The following FHAD1 variants were observed in gnomAD, a reference collection of about 807,000 sequenced individuals.
The protein encoded by FHAD1 is forkhead associated phosphopeptide binding domain 1.
FHAD1 carries 146 observed loss-of-function variants against 191.3 expected under a neutral mutation model. The observed-to-expected ratio is 0.76, with a 90% CI of 0.67 to 0.88. FHAD1 has a LOEUF of 0.88. FHAD1 is among the 40% of genes least tolerant of loss of function. The pLI is 0.00. For missense variants in FHAD1, 1,635 were observed against 1,785.8 expected, an observed-to-expected ratio of 0.92 and a Z score of 1.52; for synonymous variants, 616 against 672.3, an observed-to-expected ratio of 0.92 and a Z score of 1.29.
chr1:15,261,177 T>G (rs1243436901), intron 2 of FHAD1, among the ~76,000 whole-genome samples: 4 of 152,180 alleles, frequency 2.6e-5, no homozygotes, highest in African/African-American at 9.7e-5. Context: ...ATTAACTCGG[T>G]TAATCCTTTC....
intron 20 of FHAD1, among the ~76,000 whole-genome samples, chr1:15,355,805 A>G (rs1692544561): frequency 6.6e-6 from 1 of 152,204 alleles, no homozygotes; most frequent in South Asian, 2.1e-4. Flanking sequence ...GGAGGTACAC[A>G]GAGGATGCAG....
chr1:15,292,163 T>C (rs574269086), intron 4 of FHAD1, among the ~76,000 whole-genome samples: 2 of 152,268 alleles, frequency 1.3e-5, no homozygotes, highest in African/African-American at 4.8e-5. Context: ...TTTCTTTCTT[T>C]TAGAAACTGA....
At position 15,397,381 on chromosome 1, in the gene FHAD1, C is replaced by A. The variant is rs1279428499; in HGVS notation, c.4408C>A (p.Leu1470Ile). 2 of 1,542,684 alleles carry A rather than the reference C, an allele frequency of 1.3e-6. No individual in the cohort carries two copies. The highest frequency in any genetic ancestry group is 1.8e-6 in the Non-Finnish European group (2 of 1,141,002). ...GACCTCCAGCAAGTCCAGCCAGAGC[C>A]TTTTGCATTCTAAGCCCAGTGGAAA... Reference protein sequence around the residue: ...KETSSKSSQSLLHSKPSGKY With the variant: ...KETSSKSSQSILHSKPSGKY Residue 1470 changes from leucine (L) to isoleucine (I), a missense_variant, in exon 34 of 34, where the codon CTT becomes ATT. Transcript: ENST00000688493.
chr1:15,308,414 T>C (rs1201442221), intron 6 of FHAD1, among the ~76,000 whole-genome samples, 199 bp from the exon 7 acceptor site: 1 of 152,214 alleles, frequency 6.6e-6, no homozygotes, highest in Non-Finnish European at 1.5e-5. Context: ...GGTTCATGTT[T>C]TGATGACATA....
chr1:15,343,817 C>G (rs1347176405), intron 16 of FHAD1: 1 of 152,246 alleles, frequency 6.6e-6, no homozygotes, highest in East Asian at 1.9e-4. Context: ...CCACCGACTT[C>G]CTTTTTTCTT....
Position 15,328,399 on chromosome 1 carries a change from G to A in FHAD1, c.1680G>A (p.Glu560=). The A allele has an allele frequency of 6.5e-7, 1 of 1,544,046 alleles. No homozygotes were observed. Among genetic ancestry groups the A allele is most frequent in the East Asian group, 2.5e-5 (1 of 40,648 alleles). The change falls in exon 13 of 34, where the codon GAG becomes GAA. Residue 560 remains glutamate (E), a synonymous_variant. Coordinates refer to ENST00000688493, the MANE Select transcript of FHAD1 (RefSeq NM_001391957.1). ...AGGAGGAGACCACCGAGAACATCGA[G>A]AAGCTGAGGACGTCGCTGGACAGCT... ...SKQEETTENI[E]KLRTSLDSCQ...
At chr1:15,248,840 G>C (rs1253429643) in intron 1 of FHAD1, among the ~76,000 whole-genome samples, 1 of 152,046 alleles carries the variant, frequency 6.6e-6, no homozygotes, top group African/African-American at 2.4e-5. Context: ...CGTCCACCTG[G>C]GCCTCCCAAA....
intron 14 of FHAD1, among the ~76,000 whole-genome samples, chr1:15,336,829 G>C (rs1462979080): frequency 6.6e-6 from 1 of 152,168 alleles, no homozygotes; most frequent in East Asian, 1.9e-4. Context: ...CCTGCCCAAC[G>C]CTCTTCATTC....
At chr1:15,256,214 A>G (rs965529972) in intron 2 of FHAD1, among the ~76,000 whole-genome samples, 9 of 152,226 alleles carry the variant, frequency 5.9e-5, no homozygotes, top group African/African-American at 2.2e-4. Context: ...TCACAAGCCA[A>G]TGGTTGCTGG....
intron 2 of FHAD1, among the ~76,000 whole-genome samples, chr1:15,262,993 T>C (rs1651784227): frequency 3.9e-5 from 6 of 152,230 alleles, no homozygotes; most frequent in Admixed American, 3.9e-4. Flanking sequence ...ATAGTAGCCA[T>C]CCTAAAGGGT....
In FHAD1 at chr1:15,381,536, C is replaced by T; in HGVS notation, c.4022+85C>T. ...CTCAGGCTAGCAGCAGACCTCTAGG[C>T]CTGGGACAGGAGGACAGAGACCCAC... On this transcript the variant is annotated intron_variant, in intron 30 of 33. Transcript: ENST00000688493. This position sits in a 1 kb window ranked among gnomAD's most constrained non-coding sequence, Gnocchi z 4.6. 1 of 1,077,950 alleles carries T rather than the reference C, an allele frequency of 9.3e-7. No individual in the cohort carries two copies. Among genetic ancestry groups the T allele is most frequent in the Non-Finnish European group, 1.4e-6 (1 of 731,778 alleles). The allele number at this position is 1,077,950 out of a possible 1,614,324, so 66.8% of individuals were successfully genotyped here. A position where few individuals can be genotyped will look rare whatever the true frequency, so the allele number is the denominator to read the frequency against.
chr1:15,241,975 C>G (rs907351177), intron 1 of FHAD1, among the ~76,000 whole-genome samples: 4 of 152,218 alleles, frequency 2.6e-5, no homozygotes, highest in African/African-American at 9.7e-5. Flanking sequence ...TGGCTCACGC[C>G]TCTAATCCCA....
At position 15,397,532 on chromosome 1, in the gene FHAD1, G is replaced by T; in HGVS notation, c.*119G>T. On this transcript the variant is annotated 3_prime_UTR_variant, in exon 34 of 34. Transcript: ENST00000688493. ...AGTCTTTAAAGATTGTTACCCTAGT[G>T]TTTCATTTCCTAGACCAGTATTTTG... is the stretch of plus-strand genomic sequence containing the variant. 2.0e-6 allele frequency: 1 copy of T among 492,114 alleles called. No homozygotes were observed. The highest frequency in any genetic ancestry group is 3.6e-6 in the Non-Finnish European group (1 of 274,434). 30.5% of individuals were successfully genotyped at this position (492,114 alleles called of 1,614,324 possible).
At chr1:15,279,159 A>T (rs1399766694) in intron 3 of FHAD1, among the ~76,000 whole-genome samples, 2 of 152,168 alleles carry the variant, frequency 1.3e-5, no homozygotes, top group Non-Finnish European at 2.9e-5. Flanking sequence ...TTGGTGCATG[A>T]TTATAGCCTG....
In FHAD1 at chr1:15,363,907, C is replaced by T. The variant is rs1371500220; in HGVS notation, c.3047+1181C>T. 4 of 399,426 alleles carry T rather than the reference C, an allele frequency of 1.0e-5. No individual in the cohort carries two copies. In the Admixed American group the frequency reaches 1.3e-4, roughly 13 times the overall value. The allele number at this position is 399,426 out of a possible 1,614,324, so 24.7% of individuals were successfully genotyped here. On this transcript the variant is annotated intron_variant, in intron 23 of 33. Coordinates refer to ENST00000688493, the MANE Select transcript of FHAD1 (RefSeq NM_001391957.1). ...AGGAGAACCACCTGCCTGACCCTTG[C>T]ACCAAATCCTAGTGACCGAAGTCTA...
At chr1:15,249,092 G>A (rs190392238) in intron 1 of FHAD1, among the ~76,000 whole-genome samples, 2 of 152,250 alleles carry the variant, frequency 1.3e-5, no homozygotes, top group East Asian at 3.9e-4. Context: ...GGGCTCTCTT[G>A]GAACGTATCT....
At chr1:15,380,344 C>T (rs941747172) in intron 28 of FHAD1, among the ~76,000 whole-genome samples, 3 of 152,146 alleles carry the variant, frequency 2.0e-5, no homozygotes, top group Admixed American at 6.5e-5. Context: ...AGTAGCACTC[C>T]CCGCCTGCAG....
rs886481767 is a variant in FHAD1 at position 15,328,287 on chromosome 1, A to G, written c.1568A>G (p.Lys523Arg). ...TCTTTTTCTCACCAGTTAATAGAGA[A>G]AATTACCCAGGTCACTGAGGACAAC... ...KPVTDQQLIE[K>R]ITQVTEDNIN... Residue 523 changes from lysine (K) to arginine (R), a missense_variant, in exon 13 of 34, where the codon AAA becomes AGA. Transcript: ENST00000688493. 19 of 1,500,782 alleles carry G rather than the reference A, an allele frequency of 1.3e-5. No homozygotes were observed. Among genetic ancestry groups the G allele is most frequent in the Middle Eastern group, 1.7e-4 (1 of 5,754 alleles). 93.0% of individuals were successfully genotyped at this position (1,500,782 alleles called of 1,614,324 possible).
intron 2 of FHAD1, among the ~76,000 whole-genome samples, chr1:15,271,208 G>A (rs1655829076): frequency 6.6e-6 from 1 of 151,152 alleles, no homozygotes. Context: ...AGCTACTCGG[G>A]AGGCTGAGGC....
Sources: allele counts gnomAD v4.1 joint callset (sites outside exome capture counted in the v4.1 genomes callset), GRCh38; gene constraint gnomAD v4.1.1; non-coding constraint Gnocchi (gnomAD v3.1); transcripts MANE v1.5; gene names NCBI Gene and HGNC (gene_info 2026-07-23, HGNC 2026-07-21).